The following CADM2 variants were observed in gnomAD, a reference collection of about 807,000 sequenced individuals.
The protein encoded by CADM2 is immunoglobulin superfamily member 4D.
In CADM2, 12 loss-of-function variants were observed where a neutral mutation model predicts 49.8. The ratio of observed to expected loss-of-function variants is 0.24; its 90% confidence interval spans 0.15 to 0.39. CADM2 has a LOEUF of 0.39. CADM2 is among the 10% of genes least tolerant of loss of function. The pLI is 1.00. For synonymous variants in CADM2, 214 were observed against 175.4 expected, an observed-to-expected ratio of 1.22 and a Z score of -1.74; for missense variants, 378 against 492.3, an observed-to-expected ratio of 0.77 and a Z score of 2.20.
intron 1 of CADM2, among the ~76,000 whole-genome samples, chr3:85,472,855 A>G (rs1192027429): frequency 2.0e-5 from 3 of 152,106 alleles, no homozygotes; most frequent in Non-Finnish European, 2.9e-5. Context: ...TTACCGAGCT[A>G]GGAGTGATAG....
At chr3:85,102,845 T>TA (rs748464237) in intron 1 of CADM2, among the ~76,000 whole-genome samples, 1 of 152,082 alleles carries the variant, frequency 6.6e-6, no homozygotes, top group African/African-American at 2.4e-5. Flanking sequence ...ATATTTTACT[T>TA]AAAAAAATGT....
intron 1 of CADM2, among the ~76,000 whole-genome samples, chr3:85,407,568 T>C (rs2035445189): frequency 6.6e-6 from 1 of 152,142 alleles, no homozygotes; most frequent in African/African-American, 2.4e-5. Context: ...CTTTACCAAA[T>C]CATTTCTGCA....
At chr3:85,382,619 A>G (rs529140765) in intron 1 of CADM2, among the ~76,000 whole-genome samples, 86 of 152,304 alleles carry the variant, frequency 5.6e-4, no homozygotes, top group Non-Finnish European at 1.1e-3. Flanking sequence ...GATTAGATAT[A>G]ATATTTTCTT....
chr3:85,090,996 T>C (rs1040446403), intron 1 of CADM2, among the ~76,000 whole-genome samples: 2 of 152,154 alleles, frequency 1.3e-5, no homozygotes, highest in Admixed American at 6.5e-5. Flanking sequence ...ATTTCTCAAA[T>C]ATAAATGAAT....
At chr3:85,248,350 C>G (rs2042696464) in intron 1 of CADM2, among the ~76,000 whole-genome samples, 1 of 152,110 alleles carries the variant, frequency 6.6e-6, no homozygotes, top group Admixed American at 6.5e-5. Flanking sequence ...TCTTCACTCA[C>G]TGCAAACTCT....
intron 1 of CADM2, among the ~76,000 whole-genome samples, chr3:84,989,452 G>T (rs1024868774): frequency 2.0e-5 from 3 of 151,852 alleles, no homozygotes; most frequent in Non-Finnish European, 4.4e-5. Flanking sequence ...GCTGTTTTTT[G>T]TTCATTTATA....
intron 1 of CADM2, among the ~76,000 whole-genome samples, chr3:85,644,577 G>A (rs1044390636): frequency 6.6e-6 from 1 of 152,076 alleles, no homozygotes; most frequent in Non-Finnish European, 1.5e-5. Context: ...CAGCAGCAAC[G>A]TTCCAAACCA....
intron 1 of CADM2, among the ~76,000 whole-genome samples, chr3:85,652,439 C>G (rs927225766): frequency 9.2e-5 from 14 of 152,204 alleles, no homozygotes; most frequent in African/African-American, 3.4e-4. Context: ...CAGTATCAGA[C>G]AAAGCTAAAG....
At chr3:85,809,141 ATACAG>A (rs1303908872) in intron 3 of CADM2, among the ~76,000 whole-genome samples, 1 of 152,216 alleles carries the variant, frequency 6.6e-6, no homozygotes, top group Non-Finnish European at 1.5e-5. Context: ...GCTTATAGTT[ATACAG>A]TAAAGTTATT....
chr3:85,987,387 T>C (rs113793607), intron 8 of CADM2, among the ~76,000 whole-genome samples: 1 of 151,648 alleles, frequency 6.6e-6, no homozygotes, highest in Non-Finnish European at 1.5e-5. Context: ...AATAAACAGG[T>C]CTATTTATAT....
At chr3:85,181,832 T>A (rs1473798320) in intron 1 of CADM2, among the ~76,000 whole-genome samples, 2 of 150,282 alleles carry the variant, frequency 1.3e-5, no homozygotes, top group African/African-American at 2.4e-5. Context: ...TAATACTTTT[T>A]AAATATACTT....
chr3:85,538,831 G>GA (rs2061479074), intron 1 of CADM2, among the ~76,000 whole-genome samples: 1 of 152,088 alleles, frequency 6.6e-6, no homozygotes, highest in African/African-American at 2.4e-5. Context: ...TGGGATACAG[G>GA]AAAGAGTGCC....
intron 1 of CADM2, among the ~76,000 whole-genome samples, chr3:85,676,733 C>A (rs910968975): frequency 6.6e-6 from 1 of 151,992 alleles, no homozygotes; most frequent in Non-Finnish European, 1.5e-5. Flanking sequence ...ATCTTTCCAC[C>A]ATGTAAATAC....
At chr3:85,177,612 G>T (rs113376099) in intron 1 of CADM2, among the ~76,000 whole-genome samples, 2 of 151,114 alleles carry the variant, frequency 1.3e-5, no homozygotes, top group South Asian at 4.2e-4. Flanking sequence ...ACCCAAAAAT[G>T]TAGTTAATTG....
rs1425828090 is a variant in CADM2, at chr3:86,071,353, C to T, written c.*4570C>T. The T allele has an allele frequency of 6.6e-6, 1 of 151,676 alleles. No homozygotes were observed. The allele number at this position is 151,676 out of a possible 1,614,324, so 9.4% of individuals were successfully genotyped here. On this transcript the variant is annotated 3_prime_UTR_variant, in exon 10 of 10. Coordinates refer to ENST00000383699, the MANE Select transcript of CADM2 (RefSeq NM_001167675.2). ...TTCCCTTTCTCTCTCTATTCTACCC[C>T]CAAACAAGCCCTTTGCACTCATACC...
chr3:85,844,188 G>A (rs1184420263), intron 3 of CADM2, among the ~76,000 whole-genome samples: 1 of 152,036 alleles, frequency 6.6e-6, no homozygotes, highest in East Asian at 1.9e-4. Context: ...CTGATCTACA[G>A]AGAACCTTTT....
chr3:85,816,900 T>C (rs2073242648), intron 3 of CADM2, among the ~76,000 whole-genome samples: 1 of 152,050 alleles, frequency 6.6e-6, no homozygotes. Context: ...TACTAAATGT[T>C]TTTTCACCCT....
At chr3:85,190,160 A>C (rs2041173987) in intron 1 of CADM2, among the ~76,000 whole-genome samples, 1 of 151,918 alleles carries the variant, frequency 6.6e-6, no homozygotes, top group South Asian at 2.1e-4. Flanking sequence ...ACACTCAAAA[A>C]ATGAGGGGAT....
intron 1 of CADM2, among the ~76,000 whole-genome samples, chr3:85,584,587 T>G (rs943010328): frequency 1.3e-5 from 2 of 152,106 alleles, no homozygotes; most frequent in African/African-American, 2.4e-5. Flanking sequence ...GTTTCTAATG[T>G]TAGTAGTGTG....
Sources: gnomAD v4.1 joint callset for allele counts (sites outside exome capture counted in the v4.1 genomes callset) on GRCh38, gnomAD v4.1.1 for gene constraint, MANE v1.5 for transcripts, NCBI Gene and HGNC (gene_info 2026-07-23, HGNC 2026-07-21) for gene names.